LRRTM4: variants seen among roughly 807,000 people sequenced by gnomAD.
LRRTM4 encodes leucine-rich repeat transmembrane neuronal protein 4.
Under a neutral mutation model 47.6 loss-of-function variants are expected in LRRTM4, and 25 were observed. The ratio of observed to expected loss-of-function variants is 0.53; its 90% confidence interval spans 0.38 to 0.73. LRRTM4 has a LOEUF of 0.73. Among genes scored for constraint, LRRTM4 ranks in the 30% least tolerant of loss-of-function variants. LRRTM4 has a pLI of 0.00. For synonymous variants in LRRTM4, 311 were observed against 269.5 expected (o/e 1.15, Z -1.51); for missense variants, 638 against 713.4 (o/e 0.89, Z 1.20).
intron 3 of LRRTM4, among the ~76,000 whole-genome samples, chr2:76,791,636 T>G (rs940686949): frequency 1.3e-5 from 2 of 152,138 alleles, no homozygotes; most frequent in African/African-American, 4.8e-5. Flanking sequence ...ACACAAAACT[T>G]TCTTAAGCTG....
At chr2:76,814,277 TG>T (rs1670833188) in intron 3 of LRRTM4, among the ~76,000 whole-genome samples, 1 of 152,130 alleles carries the variant, frequency 6.6e-6, no homozygotes, top group Non-Finnish European at 1.5e-5. Flanking sequence ...AGCTGTGAAA[TG>T]TGTTTGCGTT....
At chr2:77,034,616 T>G (rs748430667) in intron 3 of LRRTM4, among the ~76,000 whole-genome samples, 2 of 151,924 alleles carry the variant, frequency 1.3e-5, no homozygotes, top group Non-Finnish European at 2.9e-5. Flanking sequence ...GTGTTACGTA[T>G]TCCTTTGTCT....
intron 3 of LRRTM4, among the ~76,000 whole-genome samples, chr2:77,261,997 C>T (rs1011034692): frequency 3.9e-5 from 6 of 151,980 alleles, no homozygotes; most frequent in African/African-American, 1.4e-4. Flanking sequence ...CTGAGCTCCA[C>T]CTCCTGTCAA....
intron 3 of LRRTM4, among the ~76,000 whole-genome samples, chr2:76,756,018 G>T (rs1673019471): frequency 6.6e-6 from 1 of 152,114 alleles, no homozygotes; most frequent in Non-Finnish European, 1.5e-5. Context: ...AAGAGCAGAT[G>T]CTTTGTGGCA....
chr2:77,212,254 A>C (rs909791470), intron 3 of LRRTM4, among the ~76,000 whole-genome samples: 2 of 144,936 alleles, frequency 1.4e-5, no homozygotes, highest in Non-Finnish European at 2.9e-5. Context: ...ACATATTTTG[A>C]TAGAGTTTCT....
intron 3 of LRRTM4, among the ~76,000 whole-genome samples, chr2:77,472,678 G>A (rs974711971): frequency 1.3e-5 from 2 of 152,090 alleles, no homozygotes; most frequent in African/African-American, 4.8e-5. Context: ...GCTACTGCGT[G>A]CATTCTACAT....
intron 3 of LRRTM4, among the ~76,000 whole-genome samples, chr2:76,999,178 G>A (rs1838880): frequency 0.41 from 62,717 of 151,696 alleles, 13,363 homozygotes; most frequent in East Asian, 0.61. Flanking sequence ...GATAGTAGAA[G>A]GGCCACACAT....
intron 3 of LRRTM4, among the ~76,000 whole-genome samples, chr2:77,179,550 A>T (rs968408193): frequency 6.6e-6 from 1 of 152,124 alleles, no homozygotes; most frequent in African/African-American, 2.4e-5. Flanking sequence ...TTTCAAGAAG[A>T]CTGTGTGGAT....
At position 76,942,397 on chromosome 2, in the gene LRRTM4, G is replaced by A. The variant is rs554558956; in HGVS notation, c.1552-193481C>T. Among the ~76,000 whole-genome samples, 25 of 151,970 alleles carry A rather than the reference G, an allele frequency of 1.6e-4. 1 individual carries two copies. The highest frequency in any genetic ancestry group is 1.2e-3 in the Admixed American group (19 of 15,246). On this transcript the variant is annotated intron_variant, in intron 3 of 3. Transcript: ENST00000409884. ...AAAAGCATAGTATGTGCCAGCTGACGGGGTGTTAAGATTTAAAGATCATTG... is the reference window on the plus strand; with the variant it reads ...AAAAGCATAGTATGTGCCAGCTGACAGGGTGTTAAGATTTAAAGATCATTG...
intron 3 of LRRTM4, among the ~76,000 whole-genome samples, chr2:77,392,209 T>C (rs1044315606): frequency 1.6e-4 from 24 of 152,044 alleles, no homozygotes; most frequent in African/African-American, 5.8e-4. Flanking sequence ...TTTTCAACTC[T>C]TCAGGTGGAG....
intron 3 of LRRTM4, among the ~76,000 whole-genome samples, chr2:77,483,118 C>CAAAAAAAAAAAAAAAAA (rs776265725): frequency 2.1e-4 from 13 of 60,576 alleles, no homozygotes; most frequent in Non-Finnish European, 3.1e-4. Context: ...AAGACTGTCT[C>CAAAAAAAAAAAAAAAAA]AAAAAAAAAA....
intron 3 of LRRTM4, among the ~76,000 whole-genome samples, chr2:76,960,780 T>C (rs911977181): frequency 1.3e-5 from 2 of 151,614 alleles, no homozygotes; most frequent in Non-Finnish European, 3.0e-5. Flanking sequence ...CCTTTTTATA[T>C]AGTTGCTTAA....
intron 3 of LRRTM4, among the ~76,000 whole-genome samples, chr2:77,487,189 G>A (rs1286681639): frequency 6.6e-6 from 1 of 152,206 alleles, no homozygotes; most frequent in Admixed American, 6.5e-5. Flanking sequence ...GCCCCCTTCT[G>A]AGTTGGTGGG....
rs567425742 is a variant in LRRTM4, at chr2:77,303,136, C to G, written c.1551+215182G>C. ...CTATAATATTCCCAGAAAAATCTTC[C>G]TCAAATACAAAACTGAAATTTTTAG... On this transcript the variant is annotated intron_variant, in intron 3 of 3. Coordinates refer to ENST00000409884, the MANE Select transcript of LRRTM4 (RefSeq NM_001134745.3). 3.7e-4 allele frequency among the ~76,000 whole-genome samples: 57 copies of G among 152,090 alleles called. 1 individual carries two copies. Among genetic ancestry groups the G allele is most frequent in the South Asian group, 6.2e-4 (3 of 4,816 alleles).
intron 3 of LRRTM4, among the ~76,000 whole-genome samples, chr2:76,958,913 G>T (rs1269259669): frequency 6.6e-6 from 1 of 151,592 alleles, no homozygotes. Context: ...AGTTTTCCAG[G>T]CTTGTTACTT....
At chr2:77,509,513 A>G (rs1004727949) in intron 3 of LRRTM4, among the ~76,000 whole-genome samples, 11 of 152,148 alleles carry the variant, frequency 7.2e-5, no homozygotes, top group Non-Finnish European at 1.3e-4. Flanking sequence ...CGGAAAGGTC[A>G]TGTTTATTAT....
At chr2:77,285,673 C>A (rs140654616) in intron 3 of LRRTM4, among the ~76,000 whole-genome samples, 81 of 151,830 alleles carry the variant, frequency 5.3e-4, no homozygotes, top group African/African-American at 1.9e-3. Context: ...ACTCCAGAGG[C>A]AGAGGCTGCA....
chr2:77,243,107 G>A (rs1221513290), intron 3 of LRRTM4, among the ~76,000 whole-genome samples: 1 of 152,048 alleles, frequency 6.6e-6, no homozygotes, highest in Non-Finnish European at 1.5e-5. Context: ...AGTGAAATAA[G>A]CCAGTCATAA....
At chr2:76,907,474 G>C (rs199891825) in intron 3 of LRRTM4, among the ~76,000 whole-genome samples, 1 of 145,406 alleles carries the variant, frequency 6.9e-6, no homozygotes, top group Non-Finnish European at 1.5e-5. Flanking sequence ...CTAGCAGAAG[G>C]CAAGAAATAA....
Sources: gnomAD v4.1 joint callset for allele counts (sites outside exome capture counted in the v4.1 genomes callset) on GRCh38, gnomAD v4.1.1 for gene constraint, MANE v1.5 for transcripts, NCBI Gene and HGNC (gene_info 2026-07-23, HGNC 2026-07-21) for gene names.